The following FRYL variants were observed in gnomAD, a reference collection of about 807,000 sequenced individuals.
The protein encoded by FRYL is FRY like transcription coactivator.
A neutral mutation model predicts 351.2 loss-of-function variants in FRYL; 150 were observed. That is an observed-to-expected ratio of 0.43 (90% CI 0.37 to 0.49). The LOEUF is 0.49. Among genes scored for constraint, FRYL ranks in the 20% least tolerant of loss-of-function variants. FRYL has a pLI of 0.00. For synonymous variants in FRYL, 1,153 were observed against 1,257.1 expected (o/e 0.92, Z 1.75); for missense variants, 3,036 against 3,619.3 (o/e 0.84, Z 4.13).
intron 47 of FRYL, among the ~76,000 whole-genome samples, chr4:48,536,107 C>T (rs1418282146): frequency 1.3e-5 from 2 of 152,122 alleles, no homozygotes; most frequent in Non-Finnish European, 2.9e-5. Context: ...TGGCAGAAAC[C>T]ATGTATGGTG....
chr4:48,714,293 G>A (rs2149597053), intron 1 of FRYL, among the ~76,000 whole-genome samples: 1 of 148,062 alleles, frequency 6.8e-6, no homozygotes, highest in South Asian at 2.2e-4. Context: ...GAAGGAAATA[G>A]AGACACAAAA....
At chr4:48,599,380 T>C (rs1206034107) in intron 13 of FRYL, among the ~76,000 whole-genome samples, 1 of 152,224 alleles carries the variant, frequency 6.6e-6, no homozygotes, top group Non-Finnish European at 1.5e-5. Flanking sequence ...GAAAATAACG[T>C]GACACTGTCA....
intron 1 of FRYL, among the ~76,000 whole-genome samples, chr4:48,770,563 G>T (rs1023611598): frequency 6.6e-6 from 1 of 151,922 alleles, no homozygotes; most frequent in Non-Finnish European, 1.5e-5. Context: ...TCAGCCTCCT[G>T]TGTAGCTGGG....
chr4:48,745,641 A>G (rs1486326568), intron 1 of FRYL, among the ~76,000 whole-genome samples: 1 of 152,204 alleles, frequency 6.6e-6, no homozygotes, highest in African/African-American at 2.4e-5. Context: ...ATTAGGAGAT[A>G]TACCTAATGT....
chr4:48,755,872 T>A (rs1251860520), intron 1 of FRYL, among the ~76,000 whole-genome samples: 2 of 151,982 alleles, frequency 1.3e-5, no homozygotes. Flanking sequence ...TGTCAATTTA[T>A]TGCAACTTAA....
intron 2 of FRYL, among the ~76,000 whole-genome samples, chr4:48,709,423 G>C (rs1408902823): frequency 2.0e-5 from 3 of 152,144 alleles, no homozygotes; most frequent in Non-Finnish European, 4.4e-5. Context: ...CAGTAGGAGA[G>C]AAGGATAAGA....
At chr4:48,610,271 CTTA>C (rs1165056928) in intron 7 of FRYL, among the ~76,000 whole-genome samples, 1 of 152,048 alleles carries the variant, frequency 6.6e-6, no homozygotes, top group African/African-American at 2.4e-5. Context: ...TATTTATAGA[CTTA>C]TTATTAAAAA....
chr4:48,731,109 C>G (rs1770675400), intron 1 of FRYL, among the ~76,000 whole-genome samples: 1 of 151,528 alleles, frequency 6.6e-6, no homozygotes, highest in Non-Finnish European at 1.5e-5. Flanking sequence ...CAACAAAGAC[C>G]AAAAGAAACA....
chr4:48,643,171 A>C (rs1755665252), intron 3 of FRYL, among the ~76,000 whole-genome samples: 1 of 152,178 alleles, frequency 6.6e-6, no homozygotes, highest in Non-Finnish European at 1.5e-5. Context: ...CAGCAAACAT[A>C]CCTGGACCCA....
intron 3 of FRYL, among the ~76,000 whole-genome samples, chr4:48,654,298 CAA>C (rs34418324): frequency 1.4e-4 from 17 of 123,690 alleles, no homozygotes; most frequent in Admixed American, 2.9e-4. Flanking sequence ...AATAGCTGAT[CAA>C]AAAAAAAAAA....
chr4:48,749,391 T>C (rs1236889184), intron 1 of FRYL, among the ~76,000 whole-genome samples: 3 of 152,338 alleles, frequency 2.0e-5, no homozygotes, highest in South Asian at 2.1e-4. Context: ...GCTATGTTAC[T>C]AGGCAACACT....
chr4:48,596,097 G>A, intron 13 of FRYL, 97 bp from the exon 14 acceptor site: 2 of 791,048 alleles, frequency 2.5e-6, no homozygotes, highest in Non-Finnish European at 4.1e-6. Flanking sequence ...AATCTTTTTT[G>A]TATTCAGTCT....
At chr4:48,778,241 T>C (rs560174356) in intron 1 of FRYL, among the ~76,000 whole-genome samples, 1 of 152,246 alleles carries the variant, frequency 6.6e-6, no homozygotes, top group African/African-American at 2.4e-5. Context: ...TTGTTACTGC[T>C]GAGCCTGTGA....
chr4:48,728,922 C>T (rs1287929383), intron 1 of FRYL, among the ~76,000 whole-genome samples: 1 of 152,214 alleles, frequency 6.6e-6, no homozygotes. Flanking sequence ...CAGGTCGTCA[C>T]CTCACCTGGG....
chr4:48,695,133 G>C (rs1034462710), intron 2 of FRYL, among the ~76,000 whole-genome samples: 5 of 152,154 alleles, frequency 3.3e-5, no homozygotes, highest in African/African-American at 1.2e-4. Flanking sequence ...GAGAAAATGC[G>C]TAAGAATCAG....
chr4:48,501,899 A>G (rs557457861), intron 61 of FRYL, among the ~76,000 whole-genome samples, 166 bp from the exon 62 acceptor site: 1 of 152,378 alleles, frequency 6.6e-6, no homozygotes, highest in South Asian at 2.1e-4. Context: ...TTAAAGACTA[A>G]GATTAAAATA....
At chr4:48,729,904 C>G (rs1424162584) in intron 1 of FRYL, among the ~76,000 whole-genome samples, 1 of 152,166 alleles carries the variant, frequency 6.6e-6, no homozygotes, top group African/African-American at 2.4e-5. Flanking sequence ...GACAAATTGA[C>G]AGAGGTAGGC....
chr4:48,621,890 A>T (rs1170497243), intron 5 of FRYL, among the ~76,000 whole-genome samples: 1 of 152,190 alleles, frequency 6.6e-6, no homozygotes, highest in Non-Finnish European at 1.5e-5. Flanking sequence ...TTTGACAGGT[A>T]AATAGTTTCT....
chr4:48,701,839 GC>G (rs1194352289), intron 2 of FRYL, among the ~76,000 whole-genome samples: 1 of 152,088 alleles, frequency 6.6e-6, no homozygotes, highest in Non-Finnish European at 1.5e-5. Context: ...AATATTTAAT[GC>G]CCTGAATATG....
Sources: gnomAD v4.1 joint callset for allele counts (sites outside exome capture counted in the v4.1 genomes callset) on GRCh38, gnomAD v4.1.1 for gene constraint, MANE v1.5 for transcripts, NCBI Gene and HGNC (gene_info 2026-07-23, HGNC 2026-07-21) for gene names.